YAF2: variants seen among roughly 807,000 people sequenced by gnomAD.
YAF2 encodes YY1-associated factor 2.
Under a neutral mutation model 20.1 loss-of-function variants are expected in YAF2, and 7 were observed. The observed-to-expected ratio is 0.35, with a 90% CI of 0.20 to 0.65. The LOEUF (loss-of-function observed/expected upper bound fraction) is 0.65, where lower values mean the gene tolerates loss of function less well. YAF2 is among the 30% of genes least tolerant of loss of function. The pLI, the probability that YAF2 is intolerant of heterozygous loss-of-function variation, is 0.69. For synonymous variants in YAF2, 74 were observed against 76.0 expected (o/e 0.97, Z 0.14); for missense variants, 151 against 219.2 (o/e 0.69, Z 1.96).
At position 42,213,844 on chromosome 12, in the gene YAF2, C is replaced by T. The variant is rs187865469; in HGVS notation, c.152+23755G>A. On this transcript the variant is annotated intron_variant, in intron 2 of 3. Transcript: ENST00000534854. ...TAACAGTAAGGTACAAACTCATTCT[C>T]TTTTATCTAATCTCAAAATTCAAAC... 2.2e-3 allele frequency among the ~76,000 whole-genome samples: 338 copies of T among 152,288 alleles called. 3 individuals carry two copies. Among genetic ancestry groups the T allele is most frequent in the Middle Eastern group, 3.4e-3 (1 of 294 alleles).
intron 2 of YAF2, among the ~76,000 whole-genome samples, chr12:42,194,397 A>G (rs11181373): frequency 0.063 from 9,541 of 152,232 alleles, 491 homozygotes; most frequent in East Asian, 0.15. Context: ...TAATCCTAAC[A>G]GTTCGGGAGG....
chr12:42,236,886 CAA>C (rs1416638109), intron 2 of YAF2, among the ~76,000 whole-genome samples: 7 of 152,142 alleles, frequency 4.6e-5, no homozygotes, highest in African/African-American at 1.4e-4. Flanking sequence ...TCACTTAATT[CAA>C]AGTCATTTTT....
At chr12:42,234,208 A>C (rs1290393895) in intron 2 of YAF2, 1 of 853,562 alleles carries the variant, frequency 1.2e-6, no homozygotes, top group Non-Finnish European at 1.3e-6. Context: ...AGAAAAGAAA[A>C]GAAAAGAAAA....
chr12:42,176,307 G>A (rs936848759), intron 2 of YAF2, among the ~76,000 whole-genome samples: 2 of 151,806 alleles, frequency 1.3e-5, no homozygotes, highest in Non-Finnish European at 2.9e-5. Context: ...TTTAAATAGA[G>A]ATGGGGTTTC....
At chr12:42,190,378 T>C (rs550351200) in intron 2 of YAF2, among the ~76,000 whole-genome samples, 35 of 152,344 alleles carry the variant, frequency 2.3e-4, no homozygotes, top group African/African-American at 8.2e-4. Flanking sequence ...AAAAGAATTG[T>C]TAATACTGTT....
At chr12:42,161,931 TCA>T (rs1289394961) in intron 2 of YAF2, among the ~76,000 whole-genome samples, 166 bp from the exon 3 acceptor site, 1 of 152,204 alleles carries the variant, frequency 6.6e-6, no homozygotes, top group Non-Finnish European at 1.5e-5. Flanking sequence ...AAGATATGTA[TCA>T]GTTTTTCCCG....
At chr12:42,179,038 G>T (rs2066270488) in intron 2 of YAF2, among the ~76,000 whole-genome samples, 1 of 152,114 alleles carries the variant, frequency 6.6e-6, no homozygotes, top group Non-Finnish European at 1.5e-5. Flanking sequence ...GTGAAACAAA[G>T]CGAGACCCTC....
intron 2 of YAF2, among the ~76,000 whole-genome samples, chr12:42,193,167 T>G (rs539411381): frequency 6.6e-6 from 1 of 151,996 alleles, no homozygotes; most frequent in East Asian, 1.9e-4. Flanking sequence ...ATACAAAAAT[T>G]AGCCGGGTGT....
At chr12:42,215,678 T>C (rs1025906752) in intron 2 of YAF2, among the ~76,000 whole-genome samples, 2 of 152,132 alleles carry the variant, frequency 1.3e-5, no homozygotes, top group Non-Finnish European at 2.9e-5. Context: ...ATCCCAGCAC[T>C]TTGGGAGGCT....
rs1293950652 is a variant in YAF2, at chr12:42,237,637, C to T, written c.114G>A (p.Lys38=). ...CCTTCCGCACATCGCACATCATGCA[C>T]TTGAAGGCCTCGGCGCTGTTCCGGA... The part of the protein sequence containing the change: ...CTFRNSAEAF[K]CMMCDVRKGT... Residue 38 remains lysine (K), a synonymous_variant, in exon 2 of 4, where the codon AAG becomes AAA. Transcript: ENST00000534854. 2.5e-6 allele frequency: 4 copies of T among 1,569,390 alleles called. No homozygotes were observed. Among genetic ancestry groups the T allele is most frequent in the Non-Finnish European group, 3.5e-6 (4 of 1,158,606 alleles).
intron 2 of YAF2, chr12:42,233,757 C>A: frequency 1.0e-6 from 1 of 982,418 alleles, no homozygotes; most frequent in Non-Finnish European, 1.2e-6. Context: ...AAGAAATCCT[C>A]CTGTCTCAGC....
chr12:42,235,950 A>C, intron 2 of YAF2: 1 of 1,536,122 alleles, frequency 6.5e-7, no homozygotes, highest in Non-Finnish European at 8.7e-7. Flanking sequence ...TCTAACCCCA[A>C]GACTGGCTGT....
At chr12:42,231,602 T>G (rs2067986017) in intron 2 of YAF2, 1 of 152,236 alleles carries the variant, frequency 6.6e-6, no homozygotes. Flanking sequence ...TTTTGTACTT[T>G]GATGGATTAC....
chr12:42,166,448 TAAA>T (rs1255341935), intron 2 of YAF2, among the ~76,000 whole-genome samples: 1 of 152,214 alleles, frequency 6.6e-6, no homozygotes, highest in Non-Finnish European at 1.5e-5. Context: ...ATATAGAAGA[TAAA>T]GAATGTTTTC....
At chr12:42,183,878 G>A (rs1466686928) in intron 2 of YAF2, among the ~76,000 whole-genome samples, 2 of 152,194 alleles carry the variant, frequency 1.3e-5, no homozygotes, top group Non-Finnish European at 2.9e-5. Context: ...TCAAAGGACA[G>A]GCTGACTCTC....
intron 2 of YAF2, among the ~76,000 whole-genome samples, chr12:42,198,334 G>A (rs1442105056): frequency 6.6e-6 from 1 of 152,184 alleles, no homozygotes; most frequent in Non-Finnish European, 1.5e-5. Flanking sequence ...TATAATCCCA[G>A]CACTTTGGAA....
rs116964620 is a variant in YAF2 at position 42,183,804 on chromosome 12, A to C, written c.153-22039T>G. Reference sequence around the variant, plus strand: ...CAATGTAGACAAAAAAGCATTATTGAAAGAAGATGCCATCTAGGACTTTCA... The same window carrying C: ...CAATGTAGACAAAAAAGCATTATTGCAAGAAGATGCCATCTAGGACTTTCA... On this transcript the variant is annotated intron_variant, in intron 2 of 3. Transcript: ENST00000534854. Among the ~76,000 whole-genome samples, 1,336 of 152,368 alleles carry C rather than the reference A, an allele frequency of 8.8e-3. 7 individuals carry two copies. Among genetic ancestry groups the C allele is most frequent in the Non-Finnish European group, 0.014 (929 of 68,034 alleles).
At chr12:42,166,031 ACCTCAG>A (rs967391563) in intron 2 of YAF2, among the ~76,000 whole-genome samples, 1 of 149,294 alleles carries the variant, frequency 6.7e-6, no homozygotes, top group Non-Finnish European at 1.5e-5. Flanking sequence ...CGATTCTCCT[ACCTCAG>A]CCTCCCGAGT....
Position 42,160,422 on chromosome 12 carries a change from T to G in YAF2, c.*167A>C, listed in dbSNP as rs895929191. ...TAAGTCTGGAAATGTTTGGTAGGCA[T>G]CATTGCAATAAAATCTAACAAATTC... On this transcript the variant is annotated 3_prime_UTR_variant, in exon 4 of 4. Transcript: ENST00000534854. 3 of 602,436 alleles carry G rather than the reference T, an allele frequency of 5.0e-6. No homozygotes were observed. The highest frequency in any genetic ancestry group is 8.6e-6 in the Non-Finnish European group (3 of 348,224). 37.3% of individuals were successfully genotyped at this position (602,436 alleles called of 1,614,324 possible). A position where few individuals can be genotyped will look rare whatever the true frequency, so the allele number is the denominator to read the frequency against.
Sources: allele counts gnomAD v4.1 joint callset (sites outside exome capture counted in the v4.1 genomes callset), GRCh38; gene constraint gnomAD v4.1.1; transcripts MANE v1.5; gene names NCBI Gene and HGNC (gene_info 2026-07-23, HGNC 2026-07-21).